The following SRSF4 variants were observed in gnomAD, a reference collection of about 807,000 sequenced individuals.
SRSF4 encodes serine and arginine rich splicing factor 4, also known as serine/arginine-rich splicing factor 4.
In SRSF4, 12 loss-of-function variants were observed where a neutral mutation model predicts 48.8. The observed-to-expected ratio is 0.25, with a 90% CI of 0.16 to 0.40. SRSF4 has a LOEUF of 0.40. SRSF4 is among the 10% of genes least tolerant of loss of function. The probability of loss-of-function intolerance (pLI) is 1.00; values close to 1 mark genes in which losing one functional copy is unlikely to be tolerated. For missense variants in SRSF4, 466 were observed against 667.1 expected (o/e 0.70, Z 3.32); for synonymous variants, 248 against 232.5 (o/e 1.07, Z -0.61).
chr1:29,178,639 C>G (rs117349983), intron 1 of SRSF4, among the ~76,000 whole-genome samples: 2 of 152,094 alleles, frequency 1.3e-5, no homozygotes, highest in Admixed American at 1.3e-4. Flanking sequence ...TACAGGCCAC[C>G]GCGCCCGGCC....
chr1:29,175,241 C>T (rs1298483530), intron 1 of SRSF4, among the ~76,000 whole-genome samples: 3 of 151,092 alleles, frequency 2.0e-5, no homozygotes, highest in Admixed American at 6.6e-5. Flanking sequence ...GGTGAAACCC[C>T]GTTTCTACAA....
intron 1 of SRSF4, among the ~76,000 whole-genome samples, chr1:29,177,508 A>G (rs970803536): frequency 7.9e-5 from 12 of 152,142 alleles, no homozygotes; most frequent in African/African-American, 2.9e-4. Context: ...TCTTGAACTT[A>G]TGACCTTGGG....
chr1:29,172,964 T>C (rs1031566079), intron 1 of SRSF4: 6 of 151,990 alleles, frequency 3.9e-5, no homozygotes, highest in African/African-American at 9.7e-5. Flanking sequence ...TTTAATGTAA[T>C]AGAAAATACA....
chr1:29,176,147 G>T (rs1284648495), intron 1 of SRSF4, among the ~76,000 whole-genome samples: 1 of 152,144 alleles, frequency 6.6e-6, no homozygotes, highest in African/African-American at 2.4e-5. Context: ...AGCTACTTGG[G>T]AGGCTGAGGC....
chr1:29,153,349 C>A (rs1672444591), intron 4 of SRSF4, among the ~76,000 whole-genome samples: 2 of 151,856 alleles, frequency 1.3e-5, no homozygotes, highest in Admixed American at 1.3e-4. Flanking sequence ...GGTTTCATCA[C>A]GTTGGCCAGG....
chr1:29,177,827 T>C (rs948946432), intron 1 of SRSF4, among the ~76,000 whole-genome samples: 4 of 151,910 alleles, frequency 2.6e-5, no homozygotes, highest in Non-Finnish European at 5.9e-5. Context: ...AATCCTTTCC[T>C]GAACACTAAA....
chr1:29,149,873 T>TA (rs1421241039), intron 5 of SRSF4, among the ~76,000 whole-genome samples: 1 of 151,098 alleles, frequency 6.6e-6, no homozygotes, highest in Non-Finnish European at 1.5e-5. Flanking sequence ...TAAAAAAAAT[T>TA]AAAAAATTAG....
At chr1:29,150,774 C>T (rs1278986128) in intron 4 of SRSF4, among the ~76,000 whole-genome samples, 4 of 152,124 alleles carry the variant, frequency 2.6e-5, no homozygotes, top group South Asian at 2.1e-4. Context: ...TATGGTTCCT[C>T]GTAACAGAAA....
Position 29,181,822 on chromosome 1 carries a change from ACGGCGGCAGCGG to A in SRSF4, c.-82_-71del, listed in dbSNP as rs1418115867. On this transcript the variant is annotated 5_prime_UTR_variant, in exon 1 of 6. Coordinates refer to ENST00000373795, the MANE Select transcript of SRSF4 (RefSeq NM_005626.5). ...AGGCGGCGGCGGGCAAAGCGAGAGCACGGCGGCAGCGGCGGCGGCGGCAACGGGCGGGCGGCG... is the reference window on the plus strand; with the variant it reads ...AGGCGGCGGCGGGCAAAGCGAGAGCACGGCGGCGGCAACGGGCGGGCGGCG... 7.5e-7 allele frequency: 1 copy of A among 1,328,760 alleles called. No homozygotes were observed. The highest frequency in any genetic ancestry group is 9.8e-7 in the Non-Finnish European group (1 of 1,020,752). 82.3% of individuals were successfully genotyped at this position (1,328,760 alleles called of 1,614,324 possible).
rs1334053940 is a variant in SRSF4 at position 29,160,358 on chromosome 1, GC to G, written c.250+16del. On this transcript the variant is annotated intron_variant, in intron 2 of 5. Coordinates refer to ENST00000373795, the MANE Select transcript of SRSF4 (RefSeq NM_005626.5). Reference sequence around the variant, plus strand: ...AAAAGCACGTTACTGATAAAAGTATGCCCTTTGAATGCTTACTGCGTCCAGA... The same window carrying G: ...AAAAGCACGTTACTGATAAAAGTATGCCTTTGAATGCTTACTGCGTCCAGA... The G allele has an allele frequency of 3.8e-6, 6 of 1,599,538 alleles. No homozygotes were observed. In the African/African-American group the frequency reaches 8.1e-5, roughly 22 times the overall value.
chr1:29,178,646 G>A (rs1443170799), intron 1 of SRSF4, among the ~76,000 whole-genome samples: 6 of 152,058 alleles, frequency 3.9e-5, no homozygotes, highest in Non-Finnish European at 5.9e-5. Context: ...CACCGCGCCC[G>A]GCCTCTGAGT....
At chr1:29,155,010 C>T (rs1231323776) in intron 3 of SRSF4, 100 bp from the exon 4 acceptor site, 1 of 1,090,314 alleles carries the variant, frequency 9.2e-7, no homozygotes, top group East Asian at 2.5e-5. Context: ...TGCCAGCATT[C>T]CGCAGAATAA....
Position 29,168,683 on chromosome 1 carries a change from T to C in SRSF4, c.108-8166A>G, listed in dbSNP as rs1372435746. ...ATAAGATTATTCTGTGCAATCCCCA[T>C]TCTGGAGGTCCCATATCAACCCCCG... On this transcript the variant is annotated intron_variant, in intron 1 of 5. Transcript: ENST00000373795. The C allele has an allele frequency of 4.6e-5, 7 of 152,200 alleles. 1 individual carries two copies. The East Asian group carries it at 1.3e-3, about 29-fold the overall frequency. 9.4% of individuals were successfully genotyped at this position (152,200 alleles called of 1,614,324 possible).
intron 5 of SRSF4, among the ~76,000 whole-genome samples, chr1:29,149,625 G>A (rs969070192): frequency 1.3e-5 from 2 of 150,270 alleles, no homozygotes; most frequent in African/African-American, 2.5e-5. Flanking sequence ...AGGTTGCAGT[G>A]AGCCGAGATC....
chr1:29,180,375 C>T (rs1330941772), intron 1 of SRSF4, among the ~76,000 whole-genome samples: 1 of 152,192 alleles, frequency 6.6e-6, no homozygotes, highest in African/African-American at 2.4e-5. Context: ...AAGCCTTTTA[C>T]TGTAAAAGAA....
At position 29,162,988 on chromosome 1, in the gene SRSF4, A is replaced by C. The variant is rs117909876; in HGVS notation, c.108-2471T>G. Among the ~76,000 whole-genome samples the C allele has an allele frequency of 7.4e-4, 112 of 152,346 alleles. 2 individuals carry two copies. In the East Asian group the frequency reaches 0.017, roughly 24 times the overall value. On this transcript the variant is annotated intron_variant, in intron 1 of 5. Transcript: ENST00000373795. The stretch of plus-strand genomic sequence containing the variant: ...AAGATCACCCTGTTCCAAGGCTCAT[A>C]TGCAGAACTTATCCTGACCTTTCAG...
chr1:29,161,080 T>C (rs2151816256), intron 1 of SRSF4, among the ~76,000 whole-genome samples: 1 of 152,330 alleles, frequency 6.6e-6, no homozygotes, highest in African/African-American at 2.4e-5. Context: ...AGATTCCAAA[T>C]TCATTTCCAT....
chr1:29,181,494 C>T (rs1015793835), intron 1 of SRSF4, 152 bp downstream of exon 1: 3 of 604,810 alleles, frequency 5.0e-6, no homozygotes, highest in African/African-American at 3.9e-5. Flanking sequence ...CCGGGGCCTA[C>T]CCGCGCCCCC....
intron 3 of SRSF4, among the ~76,000 whole-genome samples, chr1:29,155,360 G>A (rs1459094100): frequency 6.6e-6 from 1 of 152,140 alleles, no homozygotes; most frequent in Non-Finnish European, 1.5e-5. Context: ...AGCCCAAGGA[G>A]GTTGAGGCTG....
Sources: gnomAD v4.1 joint callset for allele counts (sites outside exome capture counted in the v4.1 genomes callset) on GRCh38, gnomAD v4.1.1 for gene constraint, MANE v1.5 for transcripts, NCBI Gene and HGNC (gene_info 2026-07-23, HGNC 2026-07-21) for gene names.